Variants in PCDHGA2 observed in about 807,000 individuals in gnomAD.
The protein encoded by PCDHGA2 is protocadherin gamma subfamily A, 2.
A neutral mutation model predicts 59.2 loss-of-function variants in PCDHGA2; 40 were observed. The observed-to-expected ratio is 0.68, with a 90% confidence interval of 0.52 to 0.88. The LOEUF (loss-of-function observed/expected upper bound fraction) is 0.88, where lower values mean the gene tolerates loss of function less well. Among genes scored for constraint, PCDHGA2 ranks in the 40% least tolerant of loss-of-function variants. The probability of loss-of-function intolerance (pLI) is 0.00; values close to 1 mark genes in which losing one functional copy is unlikely to be tolerated. For synonymous variants in PCDHGA2, 560 were observed against 526.0 expected (o/e 1.06, Z -0.89); for missense variants, 1,226 against 1,204.0 (o/e 1.02, Z -0.27).
intron 1 of PCDHGA2, chr5:141,371,217 GC>G (rs1377737380): frequency 6.2e-7 from 1 of 1,613,922 alleles, no homozygotes; most frequent in African/African-American, 1.3e-5. Context: ...GGGCATCAAT[GC>G]CGAAATCATC....
chr5:141,357,576 G>C (rs781394563), intron 1 of PCDHGA2: 2 of 1,614,174 alleles, frequency 1.2e-6, no homozygotes, highest in South Asian at 1.1e-5. Context: ...AGCCTCTTCT[G>C]ATAACTCAGG....
At chr5:141,433,363 CTA>C (rs2097590674) in intron 1 of PCDHGA2, 2 of 463,314 alleles carry the variant, frequency 4.3e-6, no homozygotes, top group African/African-American at 5.6e-5. Flanking sequence ...GTCTGCCTAT[CTA>C]TCTATCTATC....
intron 1 of PCDHGA2, chr5:141,382,631 T>G: frequency 2.7e-6 from 1 of 365,186 alleles, no homozygotes; most frequent in South Asian, 9.0e-5. Flanking sequence ...TGTGCATCAA[T>G]GTGGTGCAGT....
Position 141,364,123 on chromosome 5 carries a change from C to T in PCDHGA2, c.2424+22728C>T, listed in dbSNP as rs1763177434. ...AGTCACTGGTTAGGACTCTGAGTGT[C>T]GCTGTTGACCAAAGTGGGAAAGAAG... is the stretch of plus-strand genomic sequence containing the variant. On this transcript the variant is annotated intron_variant, in intron 1 of 3. Coordinates refer to ENST00000394576, the MANE Select transcript of PCDHGA2 (RefSeq NM_018915.4). 3 of 460,466 alleles carry T rather than the reference C, an allele frequency of 6.5e-6. No individual in the cohort carries two copies. The Admixed American group carries it at 1.1e-4, about 18-fold the overall frequency. The allele number at this position is 460,466 out of a possible 1,614,324, so 28.5% of individuals were successfully genotyped here. A position where few individuals can be genotyped will look rare whatever the true frequency, so the allele number is the denominator to read the frequency against.
At chr5:141,389,462 C>G in intron 1 of PCDHGA2, 1 of 1,613,316 alleles carries the variant, frequency 6.2e-7, no homozygotes, top group East Asian at 2.2e-5. Flanking sequence ...TGCGCGCCTT[C>G]GAACTCACAC....
In PCDHGA2 at chr5:141,476,299, C is replaced by T; in HGVS notation, c.2425-18508C>T. ...ACCTTGGTTTGGATCTCGGTAGCCT[C>T]TCAGCCCGCAGGTTCCGGGTGGTGT... On this transcript the variant is annotated intron_variant, in intron 1 of 3. Transcript: ENST00000394576. The surrounding 1 kb of genome is among the most constrained non-coding windows in gnomAD (Gnocchi z 7.6). The T allele has an allele frequency of 6.2e-7, 1 of 1,614,100 alleles. No individual in the cohort carries two copies. The highest frequency in any genetic ancestry group is 1.1e-5 in the South Asian group (1 of 91,074).
At chr5:141,408,636 C>A in intron 1 of PCDHGA2, 1 of 1,614,024 alleles carries the variant, frequency 6.2e-7, no homozygotes, top group Non-Finnish European at 8.5e-7. Flanking sequence ...ATTTTCGAAT[C>A]TGCATCCGCT....
chr5:141,352,381 C>A, intron 1 of PCDHGA2: 1 of 1,614,052 alleles, frequency 6.2e-7, no homozygotes, highest in Admixed American at 1.7e-5. Flanking sequence ...TTCTAGCGAT[C>A]GCCCTGCGCC....
chr5:141,414,909 C>T (rs1230113440), intron 1 of PCDHGA2: 10 of 1,614,102 alleles, frequency 6.2e-6, no homozygotes, highest in Admixed American at 1.7e-5. Context: ...GTTCCACAGG[C>T]GTGGAGCTGG....
At chr5:141,503,981 C>T (rs774655880) in intron 2 of PCDHGA2, among the ~76,000 whole-genome samples, 4 of 152,300 alleles carry the variant, frequency 2.6e-5, no homozygotes, top group East Asian at 1.9e-4. Flanking sequence ...CCAAACCCTT[C>T]TTCTTACCTT....
At chr5:141,350,392 G>A (rs778408660) in intron 1 of PCDHGA2, 91 of 1,598,620 alleles carry the variant, frequency 5.7e-5, no homozygotes, top group Non-Finnish European at 7.4e-5. Flanking sequence ...ACGGCTCACG[G>A]GTGGGGAAAC....
chr5:141,491,454 C>G lies in PCDHGA2; in HGVS notation c.2425-3353C>G. ...GCTGCAGGCGCCAGGACTCACCCTCCCCGGACTTCTATAAGCAGTCCAGCC... is the reference window on the plus strand; with the variant it reads ...GCTGCAGGCGCCAGGACTCACCCTCGCCGGACTTCTATAAGCAGTCCAGCC... On this transcript the variant is annotated intron_variant, in intron 1 of 3. Coordinates refer to ENST00000394576, the MANE Select transcript of PCDHGA2 (RefSeq NM_018915.4). This position sits in a 1 kb window ranked among gnomAD's most constrained non-coding sequence, Gnocchi z 6.9. The G allele has an allele frequency of 6.2e-7, 1 of 1,614,120 alleles. No individual in the cohort carries two copies. Among genetic ancestry groups the G allele is most frequent in the Non-Finnish European group, 8.5e-7 (1 of 1,180,032 alleles).
At chr5:141,372,942 T>C in intron 1 of PCDHGA2, 1 of 786,954 alleles carries the variant, frequency 1.3e-6, no homozygotes. Context: ...GAGTAGGGTG[T>C]CTAGGAAATT....
At chr5:141,393,989 T>G in intron 1 of PCDHGA2, 1 of 1,613,634 alleles carries the variant, frequency 6.2e-7, no homozygotes, top group Non-Finnish European at 8.5e-7. Flanking sequence ...ATTTACCTTT[T>G]AAATTAGAAA....
At chr5:141,497,665 G>A (rs1011161465) in intron 2 of PCDHGA2, among the ~76,000 whole-genome samples, 3 of 151,348 alleles carry the variant, frequency 2.0e-5, no homozygotes, top group South Asian at 2.1e-4. Flanking sequence ...TCAGCCTCCC[G>A]AGTAGCTGGG....
chr5:141,371,349 G>T, intron 1 of PCDHGA2: 1 of 1,614,002 alleles, frequency 6.2e-7, no homozygotes, highest in Non-Finnish European at 8.5e-7. Flanking sequence ...CACAATTGGG[G>T]TGGAAGCAAA....
At chr5:141,398,811 C>T (rs1231007055) in intron 1 of PCDHGA2, 4 of 1,613,862 alleles carry the variant, frequency 2.5e-6, no homozygotes, top group Non-Finnish European at 3.4e-6. Context: ...CCACTGAGCT[C>T]CGGATCCAGG....
intron 1 of PCDHGA2, among the ~76,000 whole-genome samples, chr5:141,472,026 G>C (rs2099269805): frequency 6.6e-6 from 1 of 152,108 alleles, no homozygotes; most frequent in Non-Finnish European, 1.5e-5. Context: ...ATTGTATGTA[G>C]AAAGCTGTGA....
At chr5:141,441,703 A>C (rs1329703451) in intron 1 of PCDHGA2, 2 of 312,092 alleles carry the variant, frequency 6.4e-6, no homozygotes, top group Non-Finnish European at 1.3e-5. Context: ...CGAGCCTTCA[A>C]GCTCACGCTG....
Sources: allele counts gnomAD v4.1 joint callset (sites outside exome capture counted in the v4.1 genomes callset), GRCh38; gene constraint gnomAD v4.1.1; non-coding constraint Gnocchi (gnomAD v3.1); transcripts MANE v1.5; gene names NCBI Gene and HGNC (gene_info 2026-07-23, HGNC 2026-07-21).